Variants in ENTPD1 observed in about 807,000 individuals in gnomAD.
The protein encoded by ENTPD1 is ATP diphosphohydrolase.
A neutral mutation model predicts 57.0 loss-of-function variants in ENTPD1; 33 were observed. The ratio of observed to expected loss-of-function variants is 0.58; its 90% CI spans 0.44 to 0.77. The LOEUF is 0.77. Among genes scored for constraint, ENTPD1 ranks in the 30% least tolerant of loss-of-function variants. The pLI, the probability that ENTPD1 is intolerant of heterozygous loss-of-function variation, is 0.00. For synonymous variants in ENTPD1, 202 were observed against 218.8 expected, an observed-to-expected ratio of 0.92 and a Z score of 0.68; for missense variants, 501 against 603.4, an observed-to-expected ratio of 0.83 and a Z score of 1.78.
At chr10:95,792,206 T>G (rs1277041314) in intron 1 of ENTPD1, among the ~76,000 whole-genome samples, 1 of 152,192 alleles carries the variant, frequency 6.6e-6, no homozygotes, top group Admixed American at 6.5e-5. Flanking sequence ...GATACAGCAC[T>G]TTCAGTGTTA....
chr10:95,867,750 C>T lies in ENTPD1; in HGVS notation c.*1367C>T. On this transcript the variant is annotated 3_prime_UTR_variant, in exon 10 of 10. Coordinates refer to ENST00000371205, the MANE Select transcript of ENTPD1 (RefSeq NM_001776.6). ...GTGATGTTTCATTCTGACCTTGTCCCAAGCTCTCCATCTCTAGATCTGGGG... is the reference window on the plus strand; with the variant it reads ...GTGATGTTTCATTCTGACCTTGTCCTAAGCTCTCCATCTCTAGATCTGGGG... 1 of 985,430 alleles carries T rather than the reference C, an allele frequency of 1.0e-6. No homozygotes were observed. Among genetic ancestry groups the T allele is most frequent in the Non-Finnish European group, 1.2e-6 (1 of 829,924 alleles). The allele number at this position is 985,430 out of a possible 1,614,324, so 61.0% of individuals were successfully genotyped here. A position where few individuals can be genotyped will look rare whatever the true frequency, so the allele number is the denominator to read the frequency against.
Position 95,875,894 on chromosome 10 carries a change from C to T in ENTPD1, c.*9511C>T, listed in dbSNP as rs1408998280. 1.2e-6 allele frequency: 1 copy of T among 845,534 alleles called. No homozygotes were observed. Among genetic ancestry groups the T allele is most frequent in the Non-Finnish European group, 1.4e-6 (1 of 702,614 alleles). The allele number at this position is 845,534 out of a possible 1,614,324, so 52.4% of individuals were successfully genotyped here. On this transcript the variant is annotated 3_prime_UTR_variant, in exon 10 of 10. Transcript: ENST00000371205. ...GCCCCCTTGATTCAATTACCTCCCC[C>T]TGGGTCCTGTGGGAATTCTGGAAGG... is the stretch of plus-strand genomic sequence containing the variant.
At chr10:95,784,727 GGA>G (rs1474419001) in intron 1 of ENTPD1, among the ~76,000 whole-genome samples, 3 of 152,148 alleles carry the variant, frequency 2.0e-5, no homozygotes, top group African/African-American at 4.8e-5. Flanking sequence ...TGAGGAAGGA[GGA>G]GAGAGAGCTA....
At chr10:95,739,096 A>G (rs11188464) in intron 1 of ENTPD1, among the ~76,000 whole-genome samples, 40,910 of 152,174 alleles carry the variant, frequency 0.27, 6,342 homozygotes, top group Admixed American at 0.38. Context: ...GATTAAAAAT[A>G]CTTTATTGTT....
At chr10:95,763,897 G>A (rs140472288) in intron 1 of ENTPD1, among the ~76,000 whole-genome samples, 1 of 152,282 alleles carries the variant, frequency 6.6e-6, no homozygotes, top group African/African-American at 2.4e-5. Context: ...CAAGGAGGTT[G>A]GTATTATTTA....
upstream of ENTPD1, chr10:95,756,144 T>A (rs1355637151): frequency 6.4e-7 from 1 of 1,553,014 alleles, no homozygotes; most frequent in East Asian, 2.4e-5. Context: ...ATATCTCTGT[T>A]TCCTTGAGGA....
In ENTPD1 at chr10:95,845,399, C is replaced by T. The variant is rs2098433155; in HGVS notation, c.616C>T (p.Gln206Ter). The T allele has an allele frequency of 1.2e-6, 2 of 1,614,216 alleles. No homozygotes were observed. Among genetic ancestry groups the T allele is most frequent in the Non-Finnish European group, 1.7e-6 (2 of 1,180,038 alleles). ...CATAGTCCCATATGAAACCAATAATCAGGAAACCTTTGGAGCTTTGGACCT... is the reference window on the plus strand; with the variant it reads ...CATAGTCCCATATGAAACCAATAATTAGGAAACCTTTGGAGCTTTGGACCT... ...FSIVPYETNN[Q>*]ETFGALDLGG... The change falls in exon 6 of 10, where the codon CAG becomes TAG. Residue 206 changes from glutamine to a stop codon, truncating the protein, a stop_gained. Coordinates refer to ENST00000371205, the MANE Select transcript of ENTPD1 (RefSeq NM_001776.6). LOFTEE classifies it high-confidence loss of function.
chr10:95,711,378 A>T (rs1232617620), upstream of ENTPD1, among the ~76,000 whole-genome samples: 1 of 152,018 alleles, frequency 6.6e-6, no homozygotes, highest in Non-Finnish European at 1.5e-5. Context: ...AGTTTCTCCC[A>T]CTCAGTCTAT....
rs1480253601 is a variant in ENTPD1 at position 95,863,429 on chromosome 10, G to GA, written c.1189-1292dup. 4.6e-5 allele frequency among the ~76,000 whole-genome samples: 7 copies of GA among 152,220 alleles called. No homozygotes were observed. The East Asian group carries it at 1.3e-3, about 29-fold the overall frequency. On this transcript the variant is annotated intron_variant, in intron 8 of 9. Transcript: ENST00000371205. Reference sequence around the variant, plus strand: ...AAAGGGAAAGCAGAATGCAGTGACTGAAAGGAAGGGGTAGGAACCTGGACA... The same window carrying GA: ...AAAGGGAAAGCAGAATGCAGTGACTGAAAAGGAAGGGGTAGGAACCTGGACA...
intron 5 of ENTPD1, 83 bp from the exon 6 acceptor site, chr10:95,845,274 T>C (rs199598365): frequency 1.2e-6 from 2 of 1,600,918 alleles, no homozygotes; most frequent in Non-Finnish European, 1.7e-6. Flanking sequence ...TTCTTTGCCT[T>C]AGGAAATCCC....
chr10:95,695,979 T>C, the ENTPD1 span, among the ~76,000 whole-genome samples: 1 of 152,170 alleles, frequency 6.6e-6, no homozygotes, highest in Non-Finnish European at 1.5e-5. Context: ...AAATTTCCAT[T>C]GTACATCTGA....
At chr10:95,694,895 AT>A in the ENTPD1 span, among the ~76,000 whole-genome samples, 811 of 98,720 alleles carry the variant, frequency 8.2e-3, 6 homozygotes, top group African/African-American at 0.022. Context: ...TGAGGAGCTG[AT>A]TTTTTTTTTT....
chr10:95,696,556 A>T, the ENTPD1 span, among the ~76,000 whole-genome samples: 1 of 152,224 alleles, frequency 6.6e-6, no homozygotes, highest in Admixed American at 6.5e-5. Context: ...TTGGGATTAC[A>T]GGCATGAGCC....
At chr10:95,863,665 C>T (rs2098469159) in intron 8 of ENTPD1, among the ~76,000 whole-genome samples, 1 of 152,124 alleles carries the variant, frequency 6.6e-6, no homozygotes, top group African/African-American at 2.4e-5. Flanking sequence ...GAAACAGACC[C>T]CAGCCAGCGG....
the ENTPD1 span, among the ~76,000 whole-genome samples, chr10:95,705,247 A>G: frequency 1.3e-5 from 2 of 151,000 alleles, no homozygotes; most frequent in Non-Finnish European, 2.9e-5. Context: ...CCAGCAAAAT[A>G]TACACTTTTA....
chr10:95,724,161 CAAAAAAAAAAAAA>C (rs35316347), intron 1 of ENTPD1, among the ~76,000 whole-genome samples: 1 of 50,348 alleles, frequency 2.0e-5, no homozygotes, highest in African/African-American at 9.0e-5. Flanking sequence ...GACTCTGTCT[CAAAAAAAAAAAAA>C]AAAAAAAAAA....
intron 1 of ENTPD1, among the ~76,000 whole-genome samples, chr10:95,816,318 C>T (rs188080945): frequency 7.2e-5 from 11 of 152,228 alleles, no homozygotes; most frequent in Admixed American, 2.0e-4. Flanking sequence ...CATGTAACAG[C>T]GCAACATTTA....
intron 1 of ENTPD1, among the ~76,000 whole-genome samples, chr10:95,777,755 C>G (rs1169463434): frequency 1.3e-5 from 2 of 152,216 alleles, no homozygotes; most frequent in African/African-American, 4.8e-5. Context: ...ATGCCCTGCC[C>G]CCAGAGGTGG....
the ENTPD1 span, among the ~76,000 whole-genome samples, chr10:95,694,895 ATTT>A: frequency 3.0e-5 from 3 of 98,742 alleles, no homozygotes; most frequent in African/African-American, 4.0e-5. Context: ...TGAGGAGCTG[ATTT>A]TTTTTTTTTT....
Sources: gnomAD v4.1 joint callset for allele counts (sites outside exome capture counted in the v4.1 genomes callset) on GRCh38, gnomAD v4.1.1 for gene constraint, MANE v1.5 for transcripts, NCBI Gene and HGNC (gene_info 2026-07-23, HGNC 2026-07-21) for gene names.